The following SLC30A7 variants were observed in gnomAD, a reference collection of about 807,000 sequenced individuals.
The protein encoded by SLC30A7 is solute carrier family 30 member 7.
In SLC30A7, 35 loss-of-function variants were observed where a neutral mutation model predicts 46.0. The observed-to-expected ratio is 0.76, with a 90% CI of 0.58 to 1.01. The LOEUF (loss-of-function observed/expected upper bound fraction) is 1.01. SLC30A7 is among the 50% of genes least tolerant of loss of function. The probability of loss-of-function intolerance (pLI) is 0.00; values close to 1 mark genes in which losing one functional copy is unlikely to be tolerated. For synonymous variants in SLC30A7, 147 were observed against 157.8 expected, an observed-to-expected ratio of 0.93 and a Z score of 0.51; for missense variants, 464 against 451.1, an observed-to-expected ratio of 1.03 and a Z score of -0.26.
the SLC30A7 span, chr1:100,994,967 G>T: frequency 1.7e-6 from 1 of 583,694 alleles, no homozygotes; most frequent in Non-Finnish European, 3.1e-6. Context: ...TTATCATTTC[G>T]TAAGAATAAA....
intron 8 of SLC30A7, among the ~76,000 whole-genome samples, chr1:100,949,289 T>C (rs1346166737): frequency 6.6e-6 from 1 of 152,182 alleles, no homozygotes; most frequent in Non-Finnish European, 1.5e-5. Flanking sequence ...CTGTTGGAGT[T>C]TGCTGTAGGT....
chr1:100,907,085 A>C, intron 3 of SLC30A7, 120 bp downstream of exon 3: 1 of 644,614 alleles, frequency 1.6e-6, no homozygotes, highest in Non-Finnish European at 2.6e-6. Context: ...GAATCTTTGA[A>C]GCCCCCACTC....
At chr1:100,915,253 CTTCCTTT>C (rs1557981527) in intron 6 of SLC30A7, among the ~76,000 whole-genome samples, 163 of 100,228 alleles carry the variant, frequency 1.6e-3, no homozygotes, top group African/African-American at 5.7e-3. Flanking sequence ...TTCTTTCTTT[CTTCCTTT>C]CTTTCTTTCT....
chr1:100,934,708 A>G (rs61780295), intron 8 of SLC30A7, among the ~76,000 whole-genome samples: 16,696 of 150,834 alleles, frequency 0.11, 1,188 homozygotes, highest in Non-Finnish European at 0.16. Context: ...GTATGTAGGA[A>G]TGCTTGTGTA....
the SLC30A7 span, chr1:100,992,878 T>C: frequency 9.4e-6 from 5 of 534,586 alleles, no homozygotes; most frequent in Admixed American, 6.3e-5. Context: ...GTACTCACTT[T>C]AAGCATACAC....
intron 6 of SLC30A7, among the ~76,000 whole-genome samples, chr1:100,917,285 A>G (rs549652169): frequency 8.5e-4 from 130 of 152,214 alleles, no homozygotes; most frequent in Non-Finnish European, 1.7e-3. Flanking sequence ...TAGATAGGAA[A>G]TATTATATGG....
chr1:100,920,251 AG>A (rs1264046394), intron 7 of SLC30A7, among the ~76,000 whole-genome samples: 1 of 152,050 alleles, frequency 6.6e-6, no homozygotes. Flanking sequence ...AAGGCTTAAA[AG>A]CATGTATCAT....
In SLC30A7 at chr1:100,943,908, TAAG is replaced by T. The variant is rs891406055; in HGVS notation, c.843-17912_843-17910del. On this transcript the variant is annotated intron_variant, in intron 8 of 10. Coordinates refer to ENST00000357650, the MANE Select transcript of SLC30A7 (RefSeq NM_133496.5). The stretch of plus-strand genomic sequence containing the variant: ...TATAAAAGCACTGCTACCTTTTATA[TAAG>T]AAGAAGAGACATGCATATAATCTAA... 2.6e-5 allele frequency among the ~76,000 whole-genome samples: 4 copies of T among 152,356 alleles called. No individual in the cohort carries two copies. The East Asian group carries it at 5.8e-4, about 22-fold the overall frequency.
Position 100,956,151 on chromosome 1 carries a change from CTT to C in SLC30A7, c.843-5676_843-5675del, listed in dbSNP as rs1423879188. 2.0e-5 allele frequency among the ~76,000 whole-genome samples: 3 copies of C among 151,906 alleles called. No individual in the cohort carries two copies. In the East Asian group the frequency reaches 5.8e-4, roughly 29 times the overall value. On this transcript the variant is annotated intron_variant, in intron 8 of 10. Transcript: ENST00000357650. ...TATTTCCTTATATCAGTGATGATGTCTTATAATTTAGTTAATTTTAAAATATA... is the reference window on the plus strand; with the variant it reads ...TATTTCCTTATATCAGTGATGATGTCATAATTTAGTTAATTTTAAAATATA...
rs181055186 is a variant in SLC30A7, at chr1:100,932,797, C to T, written c.842+10956C>T. Reference sequence around the variant, plus strand: ...TACAGAGCTAGACTATAAAAATGAACAAGGTACAGTATAGATGGTAATTTA... The same window carrying T: ...TACAGAGCTAGACTATAAAAATGAATAAGGTACAGTATAGATGGTAATTTA... On this transcript the variant is annotated intron_variant, in intron 8 of 10. Transcript: ENST00000357650. Among the ~76,000 whole-genome samples, 4 of 152,090 alleles carry T rather than the reference C, an allele frequency of 2.6e-5. No individual in the cohort carries two copies. In the East Asian group the frequency reaches 7.7e-4, roughly 29 times the overall value.
intron 8 of SLC30A7, chr1:100,941,223 T>G: frequency 2.7e-6 from 1 of 376,200 alleles, no homozygotes. Flanking sequence ...TTTGCTTCCA[T>G]TATTACAAAA....
At chr1:100,947,018 G>C (rs1654679641) in intron 8 of SLC30A7, among the ~76,000 whole-genome samples, 1 of 151,988 alleles carries the variant, frequency 6.6e-6, no homozygotes, top group Non-Finnish European at 1.5e-5. Flanking sequence ...GTCTTGGGAG[G>C]GTGTATGTGT....
chr1:100,915,192 CTT>C (rs1288846952), intron 6 of SLC30A7, among the ~76,000 whole-genome samples: 1 of 107,012 alleles, frequency 9.3e-6, no homozygotes, highest in Non-Finnish European at 1.9e-5. Context: ...TCTTTTCTTT[CTT>C]TTCTTTCTTT....
chr1:100,992,443 G>A, the SLC30A7 span, among the ~76,000 whole-genome samples: 3 of 152,208 alleles, frequency 2.0e-5, no homozygotes, highest in South Asian at 4.2e-4. Context: ...ATAAAAGAAT[G>A]CCAATTTTTT....
chr1:100,975,555 G>A lies in SLC30A7; in HGVS notation c.*698G>A, dbSNP rs924997618. The A allele has an allele frequency of 6.6e-6, 1 of 152,462 alleles. No homozygotes were observed. Among genetic ancestry groups the A allele is most frequent in the African/African-American group, 2.4e-5 (1 of 41,378 alleles). 9.4% of individuals were successfully genotyped at this position (152,462 alleles called of 1,614,324 possible). On this transcript the variant is annotated 3_prime_UTR_variant, in exon 11 of 11. Transcript: ENST00000357650. ...TTTATTTTTTATTTTTTGAGATGGA[G>A]TCTCGCTCTGTAGCCAGGCTGGAGT...
intron 2 of SLC30A7, among the ~76,000 whole-genome samples, chr1:100,903,025 T>G (rs1651407439): frequency 6.6e-6 from 1 of 151,944 alleles, no homozygotes; most frequent in Non-Finnish European, 1.5e-5. Flanking sequence ...CTTCTAAAAC[T>G]GATTACAGTA....
chr1:100,968,014 T>A (rs1195808923), intron 10 of SLC30A7, among the ~76,000 whole-genome samples: 1 of 152,212 alleles, frequency 6.6e-6, no homozygotes, highest in Non-Finnish European at 1.5e-5. Flanking sequence ...AGTATCCAGA[T>A]GTTTAATTTT....
At chr1:100,949,966 TC>T (rs1240623700) in intron 8 of SLC30A7, among the ~76,000 whole-genome samples, 2 of 152,184 alleles carry the variant, frequency 1.3e-5, no homozygotes, top group Non-Finnish European at 2.9e-5. Context: ...CCCTTGCACT[TC>T]CTGGGTGAGG....
chr1:100,896,471 G>T, intron 1 of SLC30A7, 99 bp from the exon 2 acceptor site: 2 of 1,423,964 alleles, frequency 1.4e-6, no homozygotes, highest in Non-Finnish European at 2.0e-6. Context: ...GTGAAGAAAG[G>T]AGCATGTGAA....
Sources: gnomAD v4.1 joint callset for allele counts (sites outside exome capture counted in the v4.1 genomes callset) on GRCh38, gnomAD v4.1.1 for gene constraint, MANE v1.5 for transcripts, NCBI Gene and HGNC (gene_info 2026-07-23, HGNC 2026-07-21) for gene names.